The following RYR2 variants were observed in gnomAD, a reference collection of about 807,000 sequenced individuals.
RYR2 encodes ryanodine receptor 2, also known as cardiac muscle ryanodine receptor-calcium release channel.
In RYR2, 227 loss-of-function variants were observed where a neutral mutation model predicts 601.1. The ratio of observed to expected loss-of-function variants is 0.38; its 90% CI spans 0.34 to 0.42. The LOEUF (loss-of-function observed/expected upper bound fraction) is 0.42, where lower values mean the gene tolerates loss of function less well. Ranked by LOEUF, RYR2 falls within the 10% of genes least tolerant of loss-of-function variation. The pLI is 1.00. For missense variants in RYR2, 4,646 were observed against 6,156.5 expected (o/e 0.75, Z 8.21); for synonymous variants, 2,223 against 2,175.1 (o/e 1.02, Z -0.61).
At position 237,688,545 on chromosome 1, in the gene RYR2, G is replaced by A. The variant is rs530656067; in HGVS notation, c.9067+1041G>A. ...TCTAGTATTATATCCAAGATTTGGT[G>A]CTCTTAAATTTAGTAATGAAAATTT... On this transcript the variant is annotated intron_variant, in intron 63 of 104. Transcript: ENST00000366574. 3.3e-5 allele frequency among the ~76,000 whole-genome samples: 5 copies of A among 152,124 alleles called. No homozygotes were observed. In the South Asian group the frequency reaches 1.0e-3, roughly 32 times the overall value.
chr1:237,564,660 T>C (rs1444526712), intron 27 of RYR2, among the ~76,000 whole-genome samples: 1 of 152,170 alleles, frequency 6.6e-6, no homozygotes, highest in East Asian at 1.9e-4. Flanking sequence ...TACGATCCTA[T>C]TTTTCAAAAT....
At chr1:237,523,767 A>T (rs929819032) in intron 24 of RYR2, among the ~76,000 whole-genome samples, 1 of 151,986 alleles carries the variant, frequency 6.6e-6, no homozygotes, top group Non-Finnish European at 1.5e-5. Flanking sequence ...TTGGCAAAAT[A>T]CTTTACCAAA....
chr1:237,812,390 T>C (rs752543381), intron 100 of RYR2, among the ~76,000 whole-genome samples: 4 of 152,194 alleles, frequency 2.6e-5, no homozygotes, highest in Non-Finnish European at 5.9e-5. Context: ...GCTCGTTCTT[T>C]TTTCTGGGAT....
chr1:237,565,960 G>A (rs1572898195), intron 27 of RYR2, among the ~76,000 whole-genome samples: 1 of 152,090 alleles, frequency 6.6e-6, no homozygotes, highest in Non-Finnish European at 1.5e-5. Context: ...TTTAAATACA[G>A]CATTTGTATG....
At chr1:237,682,424 C>A (rs1685969222) in intron 62 of RYR2, among the ~76,000 whole-genome samples, 1 of 152,110 alleles carries the variant, frequency 6.6e-6, no homozygotes, top group Non-Finnish European at 1.5e-5. Flanking sequence ...CACATAACAA[C>A]ATTTCAATTA....
chr1:237,418,705 A>T (rs1705254922), intron 11 of RYR2, among the ~76,000 whole-genome samples: 2 of 151,992 alleles, frequency 1.3e-5, no homozygotes, highest in South Asian at 4.1e-4. Context: ...TTTTCACTAC[A>T]TCCTACTCCT....
chr1:237,264,440 G>C (rs1688837668), intron 1 of RYR2, among the ~76,000 whole-genome samples: 1 of 152,046 alleles, frequency 6.6e-6, no homozygotes, highest in Non-Finnish European at 1.5e-5. Context: ...TTTGGGGAAG[G>C]CAACATTTCT....
intron 2 of RYR2, among the ~76,000 whole-genome samples, chr1:237,284,624 A>AT (rs1335700083): frequency 6.9e-6 from 1 of 145,592 alleles, no homozygotes; most frequent in African/African-American, 2.6e-5. Context: ...CACAGTATGT[A>AT]GTATATATGT....
At chr1:237,513,623 A>C (rs1666130728) in intron 24 of RYR2, among the ~76,000 whole-genome samples, 1 of 152,214 alleles carries the variant, frequency 6.6e-6, no homozygotes, top group African/African-American at 2.4e-5. Flanking sequence ...ATAACATCCT[A>C]GTGCAACGCA....
intron 27 of RYR2, among the ~76,000 whole-genome samples, chr1:237,564,814 C>CA (rs910227300): frequency 1.3e-5 from 2 of 152,140 alleles, no homozygotes; most frequent in Admixed American, 6.5e-5. Context: ...CCACCATTAT[C>CA]AAAAAAGCAG....
At chr1:237,267,094 A>G (rs1375709584) in intron 1 of RYR2, among the ~76,000 whole-genome samples, 1 of 152,228 alleles carries the variant, frequency 6.6e-6, no homozygotes, top group Non-Finnish European at 1.5e-5. Context: ...GGTACATCTC[A>G]CATACTGATG....
At chr1:237,794,793 T>C (rs2790345) in intron 95 of RYR2, among the ~76,000 whole-genome samples, 87,593 of 152,060 alleles carry the variant, frequency 0.58, 25,932 homozygotes, top group East Asian at 0.84. Flanking sequence ...CTACCATTAA[T>C]ACTAATTTCT....
At position 237,239,555 on chromosome 1, in the gene RYR2, C is replaced by A. The variant is rs190731205; in HGVS notation, c.49-30942C>A. ...TACCTGGCCTGCATCTCCTTGCCTCCTTCTTTACTGCACACGTGGCAACAA... is the reference window on the plus strand; with the variant it reads ...TACCTGGCCTGCATCTCCTTGCCTCATTCTTTACTGCACACGTGGCAACAA... On this transcript the variant is annotated intron_variant, in intron 1 of 104. Transcript: ENST00000366574. Among the ~76,000 whole-genome samples, 138 of 152,262 alleles carry A rather than the reference C, an allele frequency of 9.1e-4. 1 individual carries two copies. The highest frequency in any genetic ancestry group is 5.2e-3 in the South Asian group (25 of 4,822).
chr1:237,061,161 C>G (rs1572491948), intron 1 of RYR2, among the ~76,000 whole-genome samples: 1 of 152,108 alleles, frequency 6.6e-6, no homozygotes, highest in Non-Finnish European at 1.5e-5. Context: ...ATACTGTATT[C>G]TTTTGTGAAA....
At chr1:237,642,828 A>T (rs1681704058) in intron 47 of RYR2, among the ~76,000 whole-genome samples, 1 of 152,232 alleles carries the variant, frequency 6.6e-6, no homozygotes, top group Non-Finnish European at 1.5e-5. Context: ...CACATTATAT[A>T]TCCAGCCTTG....
In RYR2 at chr1:237,610,040, A is replaced by G. The variant is rs13376031; in HGVS notation, c.4684-722A>G. On this transcript the variant is annotated intron_variant, in intron 35 of 104. Transcript: ENST00000366574. The surrounding 1 kb of genome is among the most constrained non-coding windows in gnomAD (Gnocchi z 4.9). ...TCTAGAGGAGAAGAAGAGATAGAAG[A>G]TAATGCAGAAATATGAGATAATGGT... is the stretch of plus-strand genomic sequence containing the variant. 0.2 allele frequency among the ~76,000 whole-genome samples: 30,838 copies of G among 152,040 alleles called. 6,389 individuals carry two copies. The highest frequency in any genetic ancestry group is 0.53 in the African/African-American group (21,970 of 41,408).
chr1:237,495,090 A>G (rs1047213921), intron 19 of RYR2, among the ~76,000 whole-genome samples: 1 of 152,114 alleles, frequency 6.6e-6, no homozygotes, highest in African/African-American at 2.4e-5. Flanking sequence ...CACCCAGCTA[A>G]TGTGTTTTTT....
intron 10 of RYR2, among the ~76,000 whole-genome samples, chr1:237,405,262 T>C (rs1284624383): frequency 6.6e-6 from 1 of 152,210 alleles, no homozygotes; most frequent in East Asian, 1.9e-4. Context: ...GCCAGTGATG[T>C]AGGAGGAAAA....
chr1:237,680,337 A>G (rs1442744558), intron 61 of RYR2, 119 bp from the exon 62 acceptor site: 3 of 686,962 alleles, frequency 4.4e-6, no homozygotes, highest in Admixed American at 5.6e-5. Context: ...CGTGCCTGGC[A>G]TGGACATAAG....
Sources: gnomAD v4.1 joint callset for allele counts (sites outside exome capture counted in the v4.1 genomes callset) on GRCh38, gnomAD v4.1.1 for gene constraint, Gnocchi (gnomAD v3.1) non-coding constraint, MANE v1.5 for transcripts, NCBI Gene and HGNC (gene_info 2026-07-23, HGNC 2026-07-21) for gene names.